PCNT: variants seen among roughly 807,000 people sequenced by gnomAD.
PCNT encodes the protein kendrin.
PCNT carries 319 observed loss-of-function variants against 380.4 expected under a neutral mutation model. The ratio of observed to expected loss-of-function variants is 0.84; its 90% CI spans 0.77 to 0.92. PCNT has a LOEUF of 0.92. PCNT is among the 40% of genes least tolerant of loss of function. The pLI is 0.00. For synonymous variants in PCNT, 1,845 were observed against 1,735.2 expected (o/e 1.06, Z -1.57); for missense variants, 4,400 against 4,255.3 (o/e 1.03, Z -0.95).
chr21:46,371,716 T>C (rs1422709926), intron 15 of PCNT, among the ~76,000 whole-genome samples: 1 of 152,236 alleles, frequency 6.6e-6, no homozygotes, highest in Admixed American at 6.5e-5. Context: ...TCCCCACTTG[T>C]GGACCCGTGC....
At chr21:46,325,528 A>C (rs2083358528) in intron 1 of PCNT, among the ~76,000 whole-genome samples, 1 of 152,140 alleles carries the variant, frequency 6.6e-6, no homozygotes, top group Non-Finnish European at 1.5e-5. Flanking sequence ...TGAAGGAAAT[A>C]TTTCCTTGAG....
At chr21:46,326,961 C>T (rs797004188) in intron 2 of PCNT, among the ~76,000 whole-genome samples, 40 of 150,544 alleles carry the variant, frequency 2.7e-4, no homozygotes, top group African/African-American at 8.8e-4. Flanking sequence ...TGCATTGAGC[C>T]GAGATCACGC....
intron 32 of PCNT, among the ~76,000 whole-genome samples, chr21:46,422,427 G>C (rs2087294251): frequency 6.6e-6 from 1 of 152,122 alleles, no homozygotes; most frequent in Non-Finnish European, 1.5e-5. Flanking sequence ...TCTCCCGCCT[G>C]TGCCTCCCTC....
rs974413136 is a variant in PCNT at position 46,382,572 on chromosome 21, G to C, written c.3312+732G>C. ...GTGGCGGAAGCACATTCACGGTGTT[G>C]TATATTCAGTGGCGGAAGCGCATTC... On this transcript the variant is annotated intron_variant, in intron 16 of 46. Coordinates refer to ENST00000359568, the MANE Select transcript of PCNT (RefSeq NM_006031.6). 1.1e-4 allele frequency among the ~76,000 whole-genome samples: 16 copies of C among 144,388 alleles called. 1 individual carries two copies. Among genetic ancestry groups the C allele is most frequent in the African/African-American group, 2.8e-4 (11 of 39,214 alleles). 94.7% of individuals were successfully genotyped at this position (144,388 alleles called of 152,430 possible). A position where few individuals can be genotyped will look rare whatever the true frequency, so the allele number is the denominator to read the frequency against.
At chr21:46,410,767 C>T (rs762994788) in intron 27 of PCNT, among the ~76,000 whole-genome samples, 23 of 152,222 alleles carry the variant, frequency 1.5e-4, no homozygotes, top group Non-Finnish European at 2.4e-4. Context: ...CCCGGCTCAC[C>T]GCTTTGTTGG....
At chr21:46,353,749 TGTGAGAGA>T (rs1450343622) in intron 10 of PCNT, among the ~76,000 whole-genome samples, 7 of 100,230 alleles carry the variant, frequency 7.0e-5, no homozygotes, top group Admixed American at 4.6e-4. Context: ...TGTGTGTGTG[TGTGAGAGA>T]GACAGAGAGA....
intron 15 of PCNT, among the ~76,000 whole-genome samples, chr21:46,374,841 C>T (rs1279232778): frequency 9.1e-6 from 1 of 109,304 alleles, no homozygotes; most frequent in Non-Finnish European, 1.8e-5. Context: ...AAGAGCAAAA[C>T]TTCGTCTCAA....
chr21:46,379,444 A>T (rs950725265), intron 15 of PCNT, among the ~76,000 whole-genome samples: 3 of 152,094 alleles, frequency 2.0e-5, no homozygotes, highest in Admixed American at 6.6e-5. Context: ...GGTCTCTGTC[A>T]GTTTGTCCTA....
Position 46,427,786 on chromosome 21 carries a change from C to G in PCNT, c.7485C>G (p.Ile2495Met). Residue 2495 changes from isoleucine to methionine, a missense_variant, in exon 34 of 47, where the codon ATC (isoleucine) becomes ATG (methionine). By Grantham distance (10) the Ile-to-Met change is conservative. Coordinates refer to ENST00000359568, the MANE Select transcript of PCNT (RefSeq NM_006031.6). Reference sequence around the variant, plus strand: ...TGCTCGAAAGGCTGGAGAAGATCATCCGTGAGCAGGTGAGTGTCAGCTCTG... The same window carrying G: ...TGCTCGAAAGGCTGGAGAAGATCATGCGTGAGCAGGTGAGTGTCAGCTCTG... ...SSLLERLEKI[I>M]REQGDLQEKS... 2 of 1,613,406 alleles carry G rather than the reference C, an allele frequency of 1.2e-6. No homozygotes were observed. The highest frequency in any genetic ancestry group is 1.7e-6 in the Non-Finnish European group (2 of 1,179,996).
intron 13 of PCNT, among the ~76,000 whole-genome samples, chr21:46,357,733 G>C (rs2084528865): frequency 6.6e-6 from 1 of 152,148 alleles, no homozygotes; most frequent in African/African-American, 2.4e-5. Context: ...CCGGCCCTCT[G>C]AGTCAAGATT....
intron 42 of PCNT, 93 bp from the exon 43 acceptor site, chr21:46,440,762 A>C: frequency 1.2e-6 from 1 of 823,654 alleles, no homozygotes; most frequent in Non-Finnish European, 2.1e-6. Context: ...AAACAATCTG[A>C]CTCTTTGGAA....
At chr21:46,401,251 T>C (rs1159287922) in intron 25 of PCNT, among the ~76,000 whole-genome samples, 2 of 152,262 alleles carry the variant, frequency 1.3e-5, no homozygotes, top group Admixed American at 1.3e-4. Flanking sequence ...TGGCAAGTTC[T>C]TGTCAGTTTT....
intron 3 of PCNT, among the ~76,000 whole-genome samples, chr21:46,343,477 C>T (rs2083967620): frequency 6.6e-6 from 1 of 151,970 alleles, no homozygotes. Flanking sequence ...TGGTATGAAA[C>T]CCAAGTGTAT....
In PCNT at chr21:46,431,886, C is replaced by A. The variant is rs752964711; in HGVS notation, c.8422C>A (p.Leu2808Ile). 4.5e-5 allele frequency: 72 copies of A among 1,613,946 alleles called. No homozygotes were observed. Among genetic ancestry groups the A allele is most frequent in the Non-Finnish European group, 6.0e-5 (71 of 1,180,036 alleles). The change falls in exon 38 of 47, where the codon CTT becomes ATT. Residue 2808 changes from leucine (L) to isoleucine (I), a missense_variant. Physicochemically the swap from Leu to Ile is conservative, Grantham distance 5. Transcript: ENST00000359568. ...KSRVVDLQAM[L>I]EKVQQQALHS... ...CCGGGTGGTGGACTTGCAAGCGATG[C>A]TTGAAAAGGTGCAGCAGCAAGCCCT... is the stretch of plus-strand genomic sequence containing the variant.
intron 19 of PCNT, 53 bp from the exon 20 acceptor site, chr21:46,390,617 A>G (rs1239921608): frequency 1.3e-6 from 2 of 1,589,020 alleles, no homozygotes; most frequent in Admixed American, 1.7e-5. Flanking sequence ...GTCTTAATGT[A>G]GGCTTCAGTT....
intron 33 of PCNT, 83 bp downstream of exon 33, chr21:46,426,054 C>A: frequency 9.4e-5 from 69 of 733,184 alleles, no homozygotes; most frequent in East Asian, 1.6e-4. Context: ...GCCACGTGGA[C>A]ACTAGGATTT....
rs568559091 is a variant in PCNT at position 46,432,028 on chromosome 21, G to A, written c.8564G>A (p.Arg2855Gln). 163 of 1,613,956 alleles carry A rather than the reference G, an allele frequency of 1.0e-4. No homozygotes were observed. The highest frequency in any genetic ancestry group is 1.2e-4 in the Non-Finnish European group (144 of 1,180,036). ...GTGGAAGCCCTGCACACCCAAAAAC[G>A]AGAGCTGAGATGCTCTCTGGAGAGA... The part of the protein sequence containing the change: ...STVEALHTQK[R>Q]ELRCSLERER... Residue 2855 changes from arginine (R) to glutamine (Q), a missense_variant, in exon 38 of 47, where the codon CGA becomes CAA. Transcript: ENST00000359568.
At chr21:46,380,320 C>T (rs983181348) in intron 15 of PCNT, among the ~76,000 whole-genome samples, 30 of 151,682 alleles carry the variant, frequency 2.0e-4, no homozygotes, top group Admixed American at 2.6e-4. Context: ...CACCACCACA[C>T]CCAGCTAATT....
intron 14 of PCNT, 130 bp from the exon 15 acceptor site, chr21:46,366,454 A>G (rs1044777124): frequency 1.3e-6 from 1 of 784,792 alleles, no homozygotes. Flanking sequence ...TAGTAAGAGC[A>G]GTTAAAATCC....
Sources: gnomAD v4.1 joint callset for allele counts (sites outside exome capture counted in the v4.1 genomes callset) on GRCh38, gnomAD v4.1.1 for gene constraint, MANE v1.5 for transcripts, NCBI Gene and HGNC (gene_info 2026-07-23, HGNC 2026-07-21) for gene names.